SNX13: variants seen among roughly 807,000 people sequenced by gnomAD.
SNX13 encodes the protein sorting nexin 13.
SNX13 carries 45 observed loss-of-function variants against 133.6 expected under a neutral mutation model. That is an observed-to-expected ratio of 0.34 (90% CI 0.27 to 0.43). The LOEUF is 0.43. Among genes scored for constraint, SNX13 ranks in the 20% least tolerant of loss-of-function variants. The probability of loss-of-function intolerance (pLI) is 1.00; values close to 1 mark genes in which losing one functional copy is unlikely to be tolerated. For missense variants in SNX13, 1,032 were observed against 1,145.1 expected, an observed-to-expected ratio of 0.90 and a Z score of 1.43; for synonymous variants, 414 against 373.9, an observed-to-expected ratio of 1.11 and a Z score of -1.24.
In SNX13 at chr7:17,940,451, C is replaced by T. The variant is rs946970582; in HGVS notation, c.-156G>A. 5 of 814,694 alleles carry T rather than the reference C, an allele frequency of 6.1e-6. No individual in the cohort carries two copies. The highest frequency in any genetic ancestry group is 5.1e-5 in the African/African-American group (3 of 59,200). 50.5% of individuals were successfully genotyped at this position (814,694 alleles called of 1,614,324 possible). A position where few individuals can be genotyped will look rare whatever the true frequency, so the allele number is the denominator to read the frequency against. On this transcript the variant is annotated 5_prime_UTR_variant, in exon 1 of 26. Transcript: ENST00000428135. ...TTACTCGGCTTCGCTGGCCTCCCCT[C>T]GGCCCGGTCGCTCGCGACGGACGCG...
At chr7:17,892,661 T>A (rs932629096) in intron 3 of SNX13, among the ~76,000 whole-genome samples, 3 of 152,116 alleles carry the variant, frequency 2.0e-5, no homozygotes, top group Admixed American at 1.3e-4. Flanking sequence ...CATTATTTAC[T>A]TCTACATCTC....
intron 5 of SNX13, among the ~76,000 whole-genome samples, chr7:17,886,670 C>T (rs1259990576): frequency 7.2e-5 from 11 of 152,130 alleles, no homozygotes; most frequent in Admixed American, 7.2e-4. Flanking sequence ...ACCACCCACA[C>T]TTCACTTTCA....
intron 5 of SNX13, among the ~76,000 whole-genome samples, chr7:17,886,337 A>AGG (rs370728647): frequency 1.6e-3 from 236 of 152,158 alleles, no homozygotes; most frequent in African/African-American, 5.3e-3. Flanking sequence ...TGGGAGGCTG[A>AGG]GGGGGGCGGA....
At chr7:17,861,263 C>T (rs1184047442) in intron 9 of SNX13, among the ~76,000 whole-genome samples, 1 of 151,994 alleles carries the variant, frequency 6.6e-6, no homozygotes, top group Non-Finnish European at 1.5e-5. Flanking sequence ...TCACCCCGCC[C>T]CTGCCAGAAA....
chr7:17,876,996 T>A (rs1010270568), intron 5 of SNX13, among the ~76,000 whole-genome samples: 1 of 108,028 alleles, frequency 9.3e-6, no homozygotes, highest in Non-Finnish European at 1.7e-5. Flanking sequence ...TACCCACACA[T>A]ACAATAAAAA....
At chr7:17,808,675 G>A (rs1193179801) in intron 20 of SNX13, among the ~76,000 whole-genome samples, 1 of 152,120 alleles carries the variant, frequency 6.6e-6, no homozygotes, top group Non-Finnish European at 1.5e-5. Context: ...AGGTTGAAAT[G>A]AAGGAAAAAA....
At chr7:17,840,929 G>A (rs992977407) in intron 12 of SNX13, among the ~76,000 whole-genome samples, 1 of 152,142 alleles carries the variant, frequency 6.6e-6, no homozygotes, top group Middle Eastern at 3.4e-3. Context: ...GGCTTGGGAA[G>A]TAAGCTTTGG....
chr7:17,803,271 A>T, intron 21 of SNX13, 148 bp downstream of exon 21: 1 of 643,324 alleles, frequency 1.6e-6, no homozygotes, highest in Non-Finnish European at 2.3e-6. Context: ...TTTTCTCTTT[A>T]GTTCTTTATT....
intron 12 of SNX13, among the ~76,000 whole-genome samples, chr7:17,843,774 A>C (rs573525771): frequency 6.6e-6 from 1 of 152,080 alleles, no homozygotes; most frequent in Non-Finnish European, 1.5e-5. Flanking sequence ...AAAACTGGAA[A>C]ACTCATATAT....
At chr7:17,873,288 A>G (rs577823600) in intron 8 of SNX13, among the ~76,000 whole-genome samples, 3 of 152,354 alleles carry the variant, frequency 2.0e-5, no homozygotes, top group Non-Finnish European at 2.9e-5. Flanking sequence ...TTACAAAGTT[A>G]CATAATGCTA....
chr7:17,800,863 T>C (rs1382319512), intron 22 of SNX13, among the ~76,000 whole-genome samples: 3 of 151,220 alleles, frequency 2.0e-5, no homozygotes, highest in Non-Finnish European at 4.4e-5. Flanking sequence ...GCATGAAATA[T>C]AACAACCAGA....
chr7:17,834,218 A>G, intron 14 of SNX13, 34 bp from the exon 15 acceptor site: 1 of 1,517,176 alleles, frequency 6.6e-7, no homozygotes, highest in Non-Finnish European at 8.9e-7. Context: ...TCAACAATTA[A>G]TACAGGTGTG....
intron 5 of SNX13, among the ~76,000 whole-genome samples, chr7:17,886,887 C>T (rs1219736607): frequency 2.0e-5 from 3 of 151,748 alleles, no homozygotes; most frequent in Non-Finnish European, 1.5e-5. Context: ...CATGACAAAC[C>T]GCTCTCAATA....
intron 1 of SNX13, among the ~76,000 whole-genome samples, chr7:17,915,025 G>T (rs1432233513): frequency 6.6e-6 from 1 of 152,058 alleles, no homozygotes; most frequent in East Asian, 1.9e-4. Context: ...GGTTGAAGAA[G>T]GATCTATCAC....
chr7:17,924,365 T>C (rs1013883501), intron 1 of SNX13, among the ~76,000 whole-genome samples: 1 of 152,124 alleles, frequency 6.6e-6, no homozygotes, highest in Non-Finnish European at 1.5e-5. Context: ...AAATGAAATA[T>C]GAAGATATAC....
intron 22 of SNX13, among the ~76,000 whole-genome samples, chr7:17,800,974 T>A (rs1444062954): frequency 1.1e-5 from 1 of 93,306 alleles, no homozygotes; most frequent in Non-Finnish European, 2.3e-5. Flanking sequence ...ACAAATAATT[T>A]GAAAAAGTAC....
intron 1 of SNX13, among the ~76,000 whole-genome samples, chr7:17,912,361 G>C (rs1379257224): frequency 6.6e-6 from 1 of 151,944 alleles, no homozygotes; most frequent in Non-Finnish European, 1.5e-5. Flanking sequence ...GACAGGAAAA[G>C]ACACCAGGAA....
intron 15 of SNX13, among the ~76,000 whole-genome samples, chr7:17,832,674 C>G (rs560018660): frequency 5.3e-5 from 8 of 151,338 alleles, no homozygotes; most frequent in African/African-American, 1.9e-4. Flanking sequence ...AAAATTTTAC[C>G]ATTCAACTCA....
intron 12 of SNX13, among the ~76,000 whole-genome samples, chr7:17,844,289 A>T (rs1790243893): frequency 6.6e-6 from 1 of 152,048 alleles, no homozygotes; most frequent in African/African-American, 2.4e-5. Context: ...TATGCCAATA[A>T]ATCGGATATC....
Sources: allele counts gnomAD v4.1 joint callset (sites outside exome capture counted in the v4.1 genomes callset), GRCh38; gene constraint gnomAD v4.1.1; transcripts MANE v1.5; gene names NCBI Gene and HGNC (gene_info 2026-07-23, HGNC 2026-07-21).